MCC: variants seen among roughly 807,000 people sequenced by gnomAD.
The protein encoded by MCC is colorectal mutant cancer protein.
In MCC, 90 loss-of-function variants were observed where a neutral mutation model predicts 116.2. The observed-to-expected ratio is 0.77, with a 90% CI of 0.65 to 0.92. MCC has a LOEUF of 0.92. Among genes scored for constraint, MCC ranks in the 40% least tolerant of loss-of-function variants. MCC has a pLI of 0.00. For synonymous variants in MCC, 578 were observed against 510.5 expected (o/e 1.13, Z -1.78); for missense variants, 1,516 against 1,312.2 (o/e 1.16, Z -2.40).
chr5:113,430,674 A>G (rs1443737661), intron 1 of MCC, among the ~76,000 whole-genome samples: 1 of 152,210 alleles, frequency 6.6e-6, no homozygotes, highest in East Asian at 1.9e-4. Context: ...AGGTCTTGCC[A>G]ACTTTGTTTG....
At chr5:113,074,645 G>C (rs1297216193) in intron 11 of MCC, among the ~76,000 whole-genome samples, 1 of 152,182 alleles carries the variant, frequency 6.6e-6, no homozygotes. Context: ...CTTGAAAAAA[G>C]ATTAGACAAA....
chr5:113,102,098 A>G (rs1171671294), intron 7 of MCC, among the ~76,000 whole-genome samples, 153 bp from the exon 8 acceptor site: 1 of 151,950 alleles, frequency 6.6e-6, no homozygotes, highest in Non-Finnish European at 1.5e-5. Flanking sequence ...GACACCCCAA[A>G]GTTATCCTGT....
At chr5:113,283,432 C>T (rs1466149504) in intron 3 of MCC, among the ~76,000 whole-genome samples, 2 of 152,150 alleles carry the variant, frequency 1.3e-5, no homozygotes, top group Non-Finnish European at 2.9e-5. Context: ...TGCTCAACAT[C>T]ACTAACCATT....
chr5:113,339,438 T>TGTGCGC (rs145838279), intron 3 of MCC, among the ~76,000 whole-genome samples: 15 of 149,668 alleles, frequency 1.0e-4, no homozygotes, highest in African/African-American at 2.5e-4. Flanking sequence ...TGTGTGTGTG[T>TGTGCGC]GCGTGCATGT....
intron 3 of MCC, among the ~76,000 whole-genome samples, chr5:113,299,348 A>C (rs1766796994): frequency 7.8e-6 from 1 of 128,666 alleles, no homozygotes; most frequent in African/African-American, 2.9e-5. Flanking sequence ...AAAAAAAAAG[A>C]GTAGGGCTTC....
intron 13 of MCC, among the ~76,000 whole-genome samples, chr5:113,065,814 A>G (rs1753563525): frequency 6.6e-6 from 1 of 152,222 alleles, no homozygotes; most frequent in Non-Finnish European, 1.5e-5. Flanking sequence ...ATGGCACAGT[A>G]TGATGGGCCA....
At chr5:113,315,730 A>T (rs530779027) in intron 3 of MCC, among the ~76,000 whole-genome samples, 28 of 135,732 alleles carry the variant, frequency 2.1e-4, no homozygotes, top group Admixed American at 7.6e-4. Context: ...AAAAAAAAAT[A>T]GCAAGGCATT....
chr5:113,177,803 C>T (rs1243473936), intron 3 of MCC, among the ~76,000 whole-genome samples: 1 of 152,100 alleles, frequency 6.6e-6, no homozygotes, highest in African/African-American at 2.4e-5. Context: ...GGTACACAGT[C>T]TTCATATTTG....
At chr5:113,276,911 T>C (rs1338706591) in intron 3 of MCC, among the ~76,000 whole-genome samples, 2 of 151,388 alleles carry the variant, frequency 1.3e-5, no homozygotes, top group African/African-American at 4.8e-5. Flanking sequence ...ATTGCTGGAA[T>C]TACAGGTGTG....
intron 4 of MCC, among the ~76,000 whole-genome samples, chr5:113,147,529 T>A (rs1304942739): frequency 6.6e-6 from 1 of 152,230 alleles, no homozygotes; most frequent in Non-Finnish European, 1.5e-5. Flanking sequence ...ATTAATTTGT[T>A]AACCCTCTCA....
intron 12 of MCC, among the ~76,000 whole-genome samples, chr5:113,069,205 G>C (rs1033380180): frequency 6.6e-6 from 1 of 152,224 alleles, no homozygotes; most frequent in Admixed American, 6.5e-5. Flanking sequence ...AGTTCTATTA[G>C]ATTCTCATAA....
chr5:113,418,431 G>A (rs571319670), intron 1 of MCC, among the ~76,000 whole-genome samples: 5 of 149,670 alleles, frequency 3.3e-5, no homozygotes, highest in Admixed American at 3.3e-4. Flanking sequence ...ATATACATAT[G>A]TTTAAATAGA....
chr5:113,160,687 G>A (rs1760435239), intron 3 of MCC, among the ~76,000 whole-genome samples: 1 of 152,218 alleles, frequency 6.6e-6, no homozygotes, highest in South Asian at 2.1e-4. Context: ...ATCTCAGAGG[G>A]TTATTCTGTT....
chr5:113,331,876 G>A (rs976052313), intron 3 of MCC, among the ~76,000 whole-genome samples: 2 of 151,576 alleles, frequency 1.3e-5, no homozygotes, highest in African/African-American at 2.4e-5. Context: ...GACCTCAGGT[G>A]ATCCGCCCAC....
intron 1 of MCC, among the ~76,000 whole-genome samples, chr5:113,479,009 G>A (rs1290815737): frequency 6.6e-6 from 1 of 152,050 alleles, no homozygotes; most frequent in Non-Finnish European, 1.5e-5. Flanking sequence ...AAGTAATATG[G>A]TTTCACTTGT....
chr5:113,356,582 T>C (rs1768421061), intron 2 of MCC, among the ~76,000 whole-genome samples: 1 of 152,138 alleles, frequency 6.6e-6, no homozygotes, highest in Non-Finnish European at 1.5e-5. Flanking sequence ...GAGAGAATGC[T>C]AGAACAGAAA....
At chr5:113,372,967 A>G (rs1768873677) in intron 2 of MCC, among the ~76,000 whole-genome samples, 1 of 152,118 alleles carries the variant, frequency 6.6e-6, no homozygotes, top group South Asian at 2.1e-4. Context: ...TCACGTGGTC[A>G]GGAGATCGAG....
chr5:113,313,385 G>C (rs1018887401), intron 3 of MCC, among the ~76,000 whole-genome samples: 1 of 152,042 alleles, frequency 6.6e-6, no homozygotes, highest in Non-Finnish European at 1.5e-5. Context: ...AACGTGTAGA[G>C]AAGGAACATC....
At chr5:113,060,108 C>A (rs1001942712) in intron 14 of MCC, among the ~76,000 whole-genome samples, 2 of 152,134 alleles carry the variant, frequency 1.3e-5, no homozygotes, top group African/African-American at 4.8e-5. Flanking sequence ...TCTTACCTGG[C>A]CCTAGCTGAG....
Sources: allele counts gnomAD v4.1 joint callset (sites outside exome capture counted in the v4.1 genomes callset), GRCh38; gene constraint gnomAD v4.1.1; transcripts MANE v1.5; gene names NCBI Gene and HGNC (gene_info 2026-07-23, HGNC 2026-07-21).